The following PIK3C2G variants were observed in gnomAD, a reference collection of about 807,000 sequenced individuals.
PIK3C2G encodes the protein phosphatidylinositol 3-kinase C2 domain-containing subunit gamma.
Under a neutral mutation model 181.1 loss-of-function variants are expected in PIK3C2G, and 168 were observed. That is an observed-to-expected ratio of 0.93 (90% CI 0.82 to 1.05). The LOEUF is 1.05. Among genes scored for constraint, PIK3C2G ranks in the 50% least tolerant of loss-of-function variants. The pLI, the probability that PIK3C2G is intolerant of heterozygous loss-of-function variation, is 0.00. For missense variants in PIK3C2G, 1,869 were observed against 1,732.8 expected, an observed-to-expected ratio of 1.08 and a Z score of -1.40; for synonymous variants, 573 against 592.2, an observed-to-expected ratio of 0.97 and a Z score of 0.47.
chr12:18,571,844 G>T lies in PIK3C2G; in HGVS notation c.4011+4787G>T, dbSNP rs985064976. 2.1e-4 allele frequency among the ~76,000 whole-genome samples: 31 copies of T among 150,460 alleles called. 4 individuals carry two copies. The highest frequency in any genetic ancestry group is 7.5e-4 in the African/African-American group (30 of 40,248). ...TTGTACTGCTTAATTATTTACACTT[G>T]CTACTGTCATTGATAAATACATGTG... On this transcript the variant is annotated intron_variant, in intron 29 of 32. Transcript: ENST00000538779.
In PIK3C2G at chr12:18,454,139, G is replaced by C. The variant is rs529109764; in HGVS notation, c.2504+30100G>C. Among the ~76,000 whole-genome samples the C allele has an allele frequency of 7.2e-5, 11 of 152,170 alleles. No homozygotes were observed. The South Asian group carries it at 8.3e-4, about 11-fold the overall frequency. ...GTTATTTAATGAATGCCTACTATAT[G>C]TTAAGCTTTGTCCCATGCATTGGAG... is the stretch of plus-strand genomic sequence containing the variant. On this transcript the variant is annotated intron_variant, in intron 18 of 32. Coordinates refer to ENST00000538779, the MANE Select transcript of PIK3C2G (RefSeq NM_001288772.2).
At chr12:18,438,965 A>T (rs1946592877) in intron 18 of PIK3C2G, among the ~76,000 whole-genome samples, 2 of 151,970 alleles carry the variant, frequency 1.3e-5, no homozygotes, top group African/African-American at 2.4e-5. Context: ...AAGGATAAGA[A>T]GTATCACCAA....
At chr12:18,252,815 G>GGGAGAAGGGCA (rs1233305066) in intron 1 of PIK3C2G, among the ~76,000 whole-genome samples, 7 of 152,248 alleles carry the variant, frequency 4.6e-5, no homozygotes, top group Admixed American at 3.9e-4. Flanking sequence ...CCTGCTTCAG[G>GGGAGAAGGGCA]GGAGAAGGGC....
At chr12:18,683,312 A>G in the PIK3C2G span, 11 of 1,612,396 alleles carry the variant, frequency 6.8e-6, no homozygotes, top group Non-Finnish European at 7.6e-6. Context: ...AAACAGAGGA[A>G]TACGACGATA....
In PIK3C2G at chr12:18,303,139, T is replaced by TTTCTTTCTTTCTTTCTTTCTTTCTTTC. The variant is rs71302109; in HGVS notation, c.1034+9126_1034+9127insCTTTCTTTCTTTCTTTCTTTCTTTCTT. ...CCTTCTTTCTTTCTTTCTTTCTTTC[T>TTTCTTTCTTTCTTTCTTTCTTTCTTTC]TTTCTTTTCTTTCTTCTTTCTCTTT... On this transcript the variant is annotated intron_variant, in intron 5 of 32. Transcript: ENST00000538779. Among the ~76,000 whole-genome samples the TTTCTTTCTTTCTTTCTTTCTTTCTTTC allele has an allele frequency of 3.6e-3, 459 of 128,628 alleles. 3 individuals carry two copies. The highest frequency in any genetic ancestry group is 5.8e-3 in the Admixed American group (71 of 12,172). 84.4% of individuals were successfully genotyped at this position (128,628 alleles called of 152,430 possible). A position where few individuals can be genotyped will look rare whatever the true frequency, so the allele number is the denominator to read the frequency against.
chr12:18,313,884 A>C (rs532442927), intron 5 of PIK3C2G, 78 bp from the exon 6 acceptor site: 1 of 784,832 alleles, frequency 1.3e-6, no homozygotes, highest in African/African-American at 1.7e-5. Context: ...AAATAAAAGA[A>C]AATGAAGTCA....
the PIK3C2G span, among the ~76,000 whole-genome samples, chr12:18,662,846 A>G: frequency 6.6e-6 from 1 of 152,218 alleles, no homozygotes; most frequent in South Asian, 2.1e-4. Context: ...AAATGCACAT[A>G]GAATAAAAAC....
At chr12:18,683,277 G>A in the PIK3C2G span, 1 of 1,612,546 alleles carries the variant, frequency 6.2e-7, no homozygotes, top group Non-Finnish European at 8.5e-7. Context: ...AGTGAAGCAG[G>A]CTCAAGGCTC....
intron 25 of PIK3C2G, among the ~76,000 whole-genome samples, chr12:18,538,991 G>A (rs1944010672): frequency 6.6e-6 from 1 of 151,906 alleles, no homozygotes; most frequent in African/African-American, 2.4e-5. Context: ...GATTCCTCTA[G>A]GCACATACGT....
At chr12:18,265,625 C>T (rs752147569) in intron 1 of PIK3C2G, among the ~76,000 whole-genome samples, 1 of 151,896 alleles carries the variant, frequency 6.6e-6, no homozygotes, top group Non-Finnish European at 1.5e-5. Flanking sequence ...TTGCATGTCT[C>T]TGTGTGTGTG....
chr12:18,463,326 A>C (rs1948023436), intron 18 of PIK3C2G, among the ~76,000 whole-genome samples: 2 of 152,210 alleles, frequency 1.3e-5, no homozygotes, highest in Non-Finnish European at 2.9e-5. Context: ...GGCAGCAAGA[A>C]ACTGAAGCAT....
At chr12:18,288,811 A>T (rs1949564331) in intron 3 of PIK3C2G, among the ~76,000 whole-genome samples, 1 of 152,200 alleles carries the variant, frequency 6.6e-6, no homozygotes, top group African/African-American at 2.4e-5. Flanking sequence ...TTTTTAAAAC[A>T]CAATTTCTTA....
At chr12:18,351,551 C>A (rs762387855) in intron 11 of PIK3C2G, among the ~76,000 whole-genome samples, 8 of 152,176 alleles carry the variant, frequency 5.3e-5, no homozygotes, top group Non-Finnish European at 1.0e-4. Context: ...TTACTATTAA[C>A]TGAGCACATT....
At chr12:18,587,891 A>AT (rs1195271315) in intron 29 of PIK3C2G, among the ~76,000 whole-genome samples, 1 of 151,532 alleles carries the variant, frequency 6.6e-6, no homozygotes, top group Non-Finnish European at 1.5e-5. Flanking sequence ...CATGGTACTG[A>AT]TTAAAAAAAA....
the PIK3C2G span, among the ~76,000 whole-genome samples, chr12:18,708,428 G>T: frequency 8.3e-4 from 127 of 152,274 alleles, no homozygotes; most frequent in African/African-American, 1.3e-3. Flanking sequence ...ACACTAGGTT[G>T]TTTCCATATC....
At chr12:18,553,992 T>C (rs555729330) in intron 26 of PIK3C2G, among the ~76,000 whole-genome samples, 9 of 152,188 alleles carry the variant, frequency 5.9e-5, no homozygotes, top group Admixed American at 4.6e-4. Flanking sequence ...TAGCAATCAG[T>C]TATGTTTTAT....
the PIK3C2G span, among the ~76,000 whole-genome samples, chr12:18,655,683 T>C: frequency 1.3e-5 from 2 of 151,564 alleles, no homozygotes; most frequent in Non-Finnish European, 2.9e-5. Context: ...CTTGACAAGA[T>C]GTGATGAAAG....
intron 2 of PIK3C2G, 150 bp from the exon 3 acceptor site, chr12:18,286,697 T>C: frequency 1.9e-6 from 1 of 523,276 alleles, no homozygotes; most frequent in Non-Finnish European, 3.4e-6. Flanking sequence ...TGTGCATTTT[T>C]CTATGTGTAA....
chr12:18,415,330 T>A (rs1248304127), intron 16 of PIK3C2G, among the ~76,000 whole-genome samples: 2 of 152,198 alleles, frequency 1.3e-5, no homozygotes, highest in South Asian at 2.1e-4. Flanking sequence ...GTTATGGTGA[T>A]CTGTGATCAG....
Sources: gnomAD v4.1 joint callset for allele counts (sites outside exome capture counted in the v4.1 genomes callset) on GRCh38, gnomAD v4.1.1 for gene constraint, MANE v1.5 for transcripts, NCBI Gene and HGNC (gene_info 2026-07-23, HGNC 2026-07-21) for gene names.